CNTN4: variants seen among roughly 807,000 people sequenced by gnomAD.
CNTN4 encodes contactin-4.
CNTN4 carries 77 observed loss-of-function variants against 122.5 expected under a neutral mutation model. The ratio of observed to expected loss-of-function variants is 0.63; its 90% confidence interval spans 0.52 to 0.76. The LOEUF (loss-of-function observed/expected upper bound fraction) is 0.76, where lower values mean the gene tolerates loss of function less well. CNTN4 is among the 30% of genes least tolerant of loss of function. CNTN4 has a pLI of 0.00. For synonymous variants in CNTN4, 512 were observed against 447.0 expected (o/e 1.15, Z -1.83); for missense variants, 1,256 against 1,259.1 (o/e 1.00, Z 0.04).
chr3:2,631,865 C>CAAAA (rs1157671569), intron 4 of CNTN4, among the ~76,000 whole-genome samples: 1,255 of 69,984 alleles, frequency 0.018, 36 homozygotes, highest in Middle Eastern at 0.031. Context: ...CGTATCTCTA[C>CAAAA]AAAAAAAAAA....
chr3:2,249,345 T>C (rs1320889123), intron 2 of CNTN4, among the ~76,000 whole-genome samples: 1 of 151,940 alleles, frequency 6.6e-6, no homozygotes, highest in Non-Finnish European at 1.5e-5. Flanking sequence ...ATACAAGGTC[T>C]ACTGCAGTCA....
intron 3 of CNTN4, among the ~76,000 whole-genome samples, chr3:2,461,760 G>A (rs1334683186): frequency 6.6e-6 from 1 of 152,214 alleles, no homozygotes; most frequent in African/African-American, 2.4e-5. Context: ...ACTCTTCTAA[G>A]TGCTTTTTAT....
intron 23 of CNTN4, among the ~76,000 whole-genome samples, chr3:3,046,091 AGAAAC>A (rs1292737320): frequency 6.6e-6 from 1 of 152,234 alleles, no homozygotes; most frequent in Admixed American, 6.5e-5. Context: ...AAGAATGAAA[AGAAAC>A]GAACAAAGCC....
chr3:2,267,933 G>T (rs186109111), intron 2 of CNTN4, among the ~76,000 whole-genome samples: 1 of 151,970 alleles, frequency 6.6e-6, no homozygotes. Flanking sequence ...TTTTACGCTA[G>T]AGTTATAGTG....
At chr3:2,661,028 A>T (rs2150289888) in intron 4 of CNTN4, among the ~76,000 whole-genome samples, 1 of 152,298 alleles carries the variant, frequency 6.6e-6, no homozygotes, top group South Asian at 2.1e-4. Context: ...TCTTCCCATG[A>T]TTTTTTGGTA....
intron 7 of CNTN4, among the ~76,000 whole-genome samples, chr3:2,820,884 C>G (rs1442647733): frequency 6.6e-6 from 1 of 150,792 alleles, no homozygotes; most frequent in African/African-American, 2.4e-5. Context: ...TAGGAATGCA[C>G]TTGACTGCAA....
chr3:2,586,350 T>G (rs1401823924), intron 4 of CNTN4, among the ~76,000 whole-genome samples: 1 of 152,208 alleles, frequency 6.6e-6, no homozygotes, highest in Non-Finnish European at 1.5e-5. Flanking sequence ...TGGGGTAAAA[T>G]GGCACAATAT....
intron 4 of CNTN4, among the ~76,000 whole-genome samples, chr3:2,683,549 G>T (rs1430211330): frequency 6.6e-6 from 1 of 151,914 alleles, no homozygotes; most frequent in Non-Finnish European, 1.5e-5. Flanking sequence ...TTACACAAAT[G>T]AACACACTTC....
At chr3:2,983,252 A>G (rs1247257054) in intron 13 of CNTN4, among the ~76,000 whole-genome samples, 1 of 125,068 alleles carries the variant, frequency 8.0e-6, no homozygotes, top group Non-Finnish European at 1.7e-5. Flanking sequence ...AAAAAAAAAA[A>G]AAAGCACAAA....
intron 6 of CNTN4, among the ~76,000 whole-genome samples, chr3:2,772,942 A>C (rs967306205): frequency 6.6e-6 from 1 of 152,198 alleles, no homozygotes; most frequent in Non-Finnish European, 1.5e-5. Flanking sequence ...TAGAGAGCAG[A>C]TATTTTCAGG....
At chr3:2,275,301 T>G (rs546554186) in intron 2 of CNTN4, among the ~76,000 whole-genome samples, 123 of 152,222 alleles carry the variant, frequency 8.1e-4, no homozygotes, top group Non-Finnish European at 1.5e-3. Context: ...ATAAATTATA[T>G]GACCAAATTC....
At chr3:2,305,280 A>G (rs1205780776) in intron 2 of CNTN4, among the ~76,000 whole-genome samples, 1 of 152,190 alleles carries the variant, frequency 6.6e-6, no homozygotes, top group African/African-American at 2.4e-5. Flanking sequence ...AGTTCAAAGA[A>G]AGGAGACATA....
At chr3:2,826,668 T>C (rs2092994952) in intron 7 of CNTN4, among the ~76,000 whole-genome samples, 1 of 152,188 alleles carries the variant, frequency 6.6e-6, no homozygotes, top group Admixed American at 6.5e-5. Context: ...TATTAAGATA[T>C]CACCTTCAGA....
chr3:2,847,875 C>T (rs145434057), intron 7 of CNTN4, among the ~76,000 whole-genome samples: 17 of 152,252 alleles, frequency 1.1e-4, no homozygotes, highest in Non-Finnish European at 1.9e-4. Flanking sequence ...TTACCGGGGC[C>T]GACTTGACAC....
intron 3 of CNTN4, among the ~76,000 whole-genome samples, chr3:2,520,974 T>G (rs1488104043): frequency 1.3e-5 from 2 of 152,150 alleles, no homozygotes; most frequent in Non-Finnish European, 2.9e-5. Flanking sequence ...ACAAAATTAC[T>G]ACCCTTACGA....
At chr3:2,457,549 TTGTTCCAGA>T (rs1347310708) in intron 3 of CNTN4, among the ~76,000 whole-genome samples, 3 of 152,130 alleles carry the variant, frequency 2.0e-5, no homozygotes, top group African/African-American at 7.2e-5. Context: ...TCCCAAATGC[TTGTTCCAGA>T]TGTGTTCTGA....
intron 13 of CNTN4, among the ~76,000 whole-genome samples, chr3:2,981,001 T>A (rs769095617): frequency 3.9e-5 from 6 of 152,174 alleles, no homozygotes; most frequent in Non-Finnish European, 8.8e-5. Context: ...ATTTTAAACA[T>A]GCCTAGTCCC....
At chr3:2,617,516 G>T (rs945218556) in intron 4 of CNTN4, among the ~76,000 whole-genome samples, 1 of 141,206 alleles carries the variant, frequency 7.1e-6, no homozygotes, top group Non-Finnish European at 1.5e-5. Context: ...CACCTCCCGG[G>T]TTCAAGTGAT....
At chr3:2,953,642 C>T (rs2094769431) in intron 13 of CNTN4, among the ~76,000 whole-genome samples, 2 of 152,096 alleles carry the variant, frequency 1.3e-5, no homozygotes, top group Non-Finnish European at 2.9e-5. Context: ...CTGAAATTCT[C>T]CCAGAATTTG....
Sources: gnomAD v4.1 joint callset for allele counts (sites outside exome capture counted in the v4.1 genomes callset) on GRCh38, gnomAD v4.1.1 for gene constraint, MANE v1.5 for transcripts, NCBI Gene and HGNC (gene_info 2026-07-23, HGNC 2026-07-21) for gene names.